ADCY7: variants seen among roughly 807,000 people sequenced by gnomAD.
ADCY7 encodes the protein adenylate cyclase type 7.
ADCY7 carries 72 observed loss-of-function variants against 120.6 expected under a neutral mutation model. That is an observed-to-expected ratio of 0.60 (90% CI 0.49 to 0.73). The LOEUF (loss-of-function observed/expected upper bound fraction) is 0.73, where lower values mean the gene tolerates loss of function less well. ADCY7 is among the 30% of genes least tolerant of loss of function. The pLI is 0.00. For missense variants in ADCY7, 1,227 were observed against 1,486.0 expected (o/e 0.83, Z 2.87); for synonymous variants, 661 against 628.0 (o/e 1.05, Z -0.78).
At chr16:50,270,426 C>T (rs67496626) in intron 1 of ADCY7, among the ~76,000 whole-genome samples, 32,185 of 152,152 alleles carry the variant, frequency 0.21, 3,586 homozygotes, top group Middle Eastern at 0.29. Flanking sequence ...CTCCCAACAG[C>T]GTGTGAGATG....
intron 17 of ADCY7, 126 bp downstream of exon 17, chr16:50,308,918 G>A (rs529024175): frequency 2.4e-6 from 3 of 1,272,880 alleles, no homozygotes; most frequent in South Asian, 3.3e-5. Context: ...AGGTGGATGT[G>A]GGGGGTTCCC....
rs955439373 is a variant in ADCY7, at chr16:50,312,766, C to G, written c.2605-124C>G. On this transcript the variant is annotated intron_variant, in intron 21 of 25. Transcript: ENST00000673801. ...CAGATGAAACTCATGCAGCCCGCCCCCCTCCCCACTCCCCGAAAGCTGGGC... is the reference window on the plus strand; with the variant it reads ...CAGATGAAACTCATGCAGCCCGCCCGCCTCCCCACTCCCCGAAAGCTGGGC... 7.1e-6 allele frequency: 6 copies of G among 848,192 alleles called. No individual in the cohort carries two copies. The Admixed American group carries it at 9.7e-5, about 14-fold the overall frequency. 52.5% of individuals were successfully genotyped at this position (848,192 alleles called of 1,614,324 possible).
intron 14 of ADCY7, 148 bp from the exon 15 acceptor site, chr16:50,306,902 C>T: frequency 1.6e-6 from 1 of 624,010 alleles, no homozygotes; most frequent in Non-Finnish European, 2.8e-6. Flanking sequence ...TCAAGTGAAC[C>T]TCCTTCCTCG....
chr16:50,301,458 C>T (rs140979909), intron 10 of ADCY7, among the ~76,000 whole-genome samples: 8 of 152,338 alleles, frequency 5.3e-5, no homozygotes, highest in East Asian at 3.9e-4. Context: ...GGAGCTAATC[C>T]GAGCGAGGCC....
chr16:50,276,816 AC>A (rs2033923386), intron 1 of ADCY7, among the ~76,000 whole-genome samples: 3 of 151,996 alleles, frequency 2.0e-5, no homozygotes, highest in African/African-American at 7.3e-5. Context: ...CTGATCTTGA[AC>A]TTTTGGTCTT....
At chr16:50,315,227 C>A in intron 25 of ADCY7, 89 bp downstream of exon 25, 1 of 1,572,748 alleles carries the variant, frequency 6.4e-7, no homozygotes, top group Admixed American at 1.7e-5. Context: ...GCTGTCTCAC[C>A]CAGCAGCCAT....
Position 50,307,078 on chromosome 16 carries a change from G to A in ADCY7, c.1781G>A (p.Arg594His), listed in dbSNP as rs140874841. 123 of 1,610,656 alleles carry A rather than the reference G, an allele frequency of 7.6e-5. No homozygotes were observed. In the African/African-American group the frequency reaches 1.3e-3, roughly 16 times the overall value. Reference sequence around the variant, plus strand: ...CGCCTGGCACCCATCCCCCGGGCCCGCCACGACTTTGCCTGCGCCAGCCTG... The same window carrying A: ...CGCCTGGCACCCATCCCCCGGGCCCACCACGACTTTGCCTGCGCCAGCCTG... Reference protein sequence around the residue: ...EYRLAPIPRARHDFACASLIF... With the variant: ...EYRLAPIPRAHHDFACASLIF... The change falls in exon 15 of 26, where the codon CGC becomes CAC. Residue 594 changes from arginine to histidine, a missense_variant. This residue lies in a region of ADCY7 where 332 missense variants were observed against 455.8 expected (regional missense o/e 0.73). Transcript: ENST00000673801.
intron 1 of ADCY7, among the ~76,000 whole-genome samples, chr16:50,282,241 T>C (rs950723553): frequency 1.3e-5 from 2 of 152,192 alleles, no homozygotes; most frequent in Non-Finnish European, 2.9e-5. Context: ...TTCTAGAACA[T>C]ACTCCCTGCA....
Position 50,292,832 on chromosome 16 carries a change from C to T in ADCY7, c.687+7C>T, listed in dbSNP as rs375328894. 234 of 1,612,514 alleles carry T rather than the reference C, an allele frequency of 1.5e-4. No homozygotes were observed. In the East Asian group the frequency reaches 5.1e-3, roughly 35 times the overall value. ...CATCGAGAAGCGCCAGCAGGTGGGA[C>T]CCGGCCCCCACTCCTCACCCTGTAC... On this transcript the variant is annotated splice_region_variant and intron_variant, in intron 5 of 25. Coordinates refer to ENST00000673801, the MANE Select transcript of ADCY7 (RefSeq NM_001114.5).
At chr16:50,309,718 C>T (rs957102457) in intron 18 of ADCY7, 72 bp downstream of exon 18, 5 of 1,361,080 alleles carry the variant, frequency 3.7e-6, no homozygotes, top group African/African-American at 2.9e-5. Flanking sequence ...GTAGTTTGGA[C>T]CCTCAAAGCA....
intron 1 of ADCY7, among the ~76,000 whole-genome samples, chr16:50,246,664 C>G (rs2032597793): frequency 6.6e-6 from 1 of 152,184 alleles, no homozygotes. Flanking sequence ...GCAGCGCTCC[C>G]GCCGGAGCCA....
chr16:50,314,504 G>A, intron 24 of ADCY7, 98 bp downstream of exon 24: 1 of 852,550 alleles, frequency 1.2e-6, no homozygotes, highest in Non-Finnish European at 1.9e-6. Flanking sequence ...TATTATGAAA[G>A]GTTTTAGAAA....
intron 1 of ADCY7, among the ~76,000 whole-genome samples, chr16:50,277,291 T>G (rs1379883758): frequency 6.6e-6 from 1 of 152,256 alleles, no homozygotes; most frequent in Non-Finnish European, 1.5e-5. Context: ...ATTTCATACT[T>G]GTGACAATGT....
rs914796917 is a variant in ADCY7 at position 50,301,237 on chromosome 16, G to A, written c.1368+23G>A. On this transcript the variant is annotated intron_variant, in intron 10 of 25. Coordinates refer to ENST00000673801, the MANE Select transcript of ADCY7 (RefSeq NM_001114.5). The stretch of plus-strand genomic sequence containing the variant: ...CGGGTACGAGGGCTCAGAGGCCGCA[G>A]CTGGGGGGGACCCGGAGGGACTGGA... 3 of 1,549,654 alleles carry A rather than the reference G, an allele frequency of 1.9e-6. No individual in the cohort carries two copies. The African/African-American group carries it at 4.4e-5, about 23-fold the overall frequency.
chr16:50,264,915 C>T (rs1043050432), upstream of ADCY7, among the ~76,000 whole-genome samples: 9 of 148,970 alleles, frequency 6.0e-5, no homozygotes, highest in Non-Finnish European at 1.0e-4. Context: ...CGGCTCACTG[C>T]AACCTCTGCC....
intron 15 of ADCY7, among the ~76,000 whole-genome samples, chr16:50,307,589 A>G (rs1202337528): frequency 6.6e-6 from 1 of 152,028 alleles, no homozygotes; most frequent in Admixed American, 6.6e-5. Context: ...GGGTATAGGG[A>G]TGAGGGTGAA....
At chr16:50,271,038 G>A (rs2033538043) in intron 1 of ADCY7, among the ~76,000 whole-genome samples, 2 of 152,336 alleles carry the variant, frequency 1.3e-5, no homozygotes, top group South Asian at 4.1e-4. Context: ...CATGGCTAGG[G>A]CATTGCCCAA....
rs188609669 is a variant in ADCY7 at position 50,297,829 on chromosome 16, C to T, written c.949-1075C>T. 3.3e-5 allele frequency among the ~76,000 whole-genome samples: 5 copies of T among 152,306 alleles called. No homozygotes were observed. Among genetic ancestry groups the T allele is most frequent in the Admixed American group, 6.5e-5 (1 of 15,306 alleles). On this transcript the variant is annotated intron_variant, in intron 7 of 25. Coordinates refer to ENST00000673801, the MANE Select transcript of ADCY7 (RefSeq NM_001114.5). This position sits in a 1 kb window ranked among gnomAD's most constrained non-coding sequence, Gnocchi z 4.4. ...TCCCTCCTGGCCAGAAGCCAGAGCA[C>T]AGGGCCACCTGCTGGGGCGTCCAGT...
Position 50,294,632 on chromosome 16 carries a change from A to AACC in ADCY7, c.837-8_837-7insACC. 7 of 836,812 alleles carry AACC rather than the reference A, an allele frequency of 8.4e-6. No individual in the cohort carries two copies. The highest frequency in any genetic ancestry group is 1.4e-5 in the Non-Finnish European group (7 of 504,766). 51.8% of individuals were successfully genotyped at this position (836,812 alleles called of 1,614,324 possible). ...CTGACACTCCCTCCCACCCTGCCCC[A>AACC]TCCCCAGCATCCTCTATGCGGACAT... On this transcript the variant is annotated splice_region_variant and splice_polypyrimidine_tract_variant and intron_variant, in intron 6 of 25. Coordinates refer to ENST00000673801, the MANE Select transcript of ADCY7 (RefSeq NM_001114.5).
Sources: gnomAD v4.1 joint callset for allele counts (sites outside exome capture counted in the v4.1 genomes callset) on GRCh38, gnomAD v4.1.1 for gene constraint, gnomAD v4.1.1 regional missense constraint, Gnocchi (gnomAD v3.1) non-coding constraint, MANE v1.5 for transcripts, NCBI Gene and HGNC (gene_info 2026-07-23, HGNC 2026-07-21) for gene names.